Variants in MYO5C observed in about 807,000 individuals in gnomAD.
MYO5C encodes the protein unconventional myosin-Vc.
A neutral mutation model predicts 235.7 loss-of-function variants in MYO5C; 194 were observed. The observed-to-expected ratio is 0.82, with a 90% CI of 0.73 to 0.93. MYO5C has a LOEUF of 0.93. MYO5C is among the 40% of genes least tolerant of loss of function. The pLI is 0.00. For missense variants in MYO5C, 2,038 were observed against 2,127.2 expected, an observed-to-expected ratio of 0.96 and a Z score of 0.82; for synonymous variants, 707 against 754.8, an observed-to-expected ratio of 0.94 and a Z score of 1.04.
chr15:52,231,139 T>C (rs2035943856), intron 24 of MYO5C, among the ~76,000 whole-genome samples: 1 of 152,116 alleles, frequency 6.6e-6, no homozygotes, highest in Non-Finnish European at 1.5e-5. Flanking sequence ...AGAAGTCTTA[T>C]GTAAAAAGAA....
chr15:52,269,884 TTA>T, intron 7 of MYO5C, 24 bp from the exon 8 acceptor site: 1 of 1,523,104 alleles, frequency 6.6e-7, no homozygotes, highest in Admixed American at 1.7e-5. Context: ...GTAAGATTTG[TTA>T]TGTCTGTAAC....
chr15:52,195,255 T>C (rs898068141), intron 40 of MYO5C, 122 bp downstream of exon 40: 3 of 637,946 alleles, frequency 4.7e-6, no homozygotes, highest in Admixed American at 3.6e-5. Context: ...GCTGGGTGCC[T>C]TTCATTTGTA....
intron 13 of MYO5C, 63 bp from the exon 14 acceptor site, chr15:52,248,846 G>T: frequency 9.2e-7 from 1 of 1,089,230 alleles, no homozygotes; most frequent in Non-Finnish European, 1.4e-6. Flanking sequence ...CTAAGCACAA[G>T]TTTCATCTCT....
chr15:52,218,588 T>C lies in MYO5C; in HGVS notation c.3885A>G (p.Gln1295=). The C allele has an allele frequency of 6.2e-7, 1 of 1,614,234 alleles. No homozygotes were observed. The highest frequency in any genetic ancestry group is 8.5e-7 in the Non-Finnish European group (1 of 1,180,032). Residue 1295 remains glutamine, a synonymous_variant, in exon 32 of 41, where the codon CAA becomes CAG. Coordinates refer to ENST00000261839, the MANE Select transcript of MYO5C (RefSeq NM_018728.4). ...MQEASDHLKK[Q]FETESEVKCN... is the part of the protein sequence containing the mutation. ...ACTTGACTTCACTTTCAGTTTCAAA[T>C]TGTTTCTTCAAGTGGTCACTGGCCT...
intron 30 of MYO5C, 106 bp downstream of exon 30, chr15:52,221,056 C>G: frequency 1.2e-6 from 1 of 816,570 alleles, no homozygotes; most frequent in East Asian, 2.6e-5. Context: ...GCCCAGCCCC[C>G]TAGAGAACCA....
chr15:52,246,865 G>A lies in MYO5C; in HGVS notation c.1979+52C>T, dbSNP rs2036359053. 3.4e-6 allele frequency: 5 copies of A among 1,460,134 alleles called. No homozygotes were observed. In the Admixed American group the frequency reaches 7.5e-5, roughly 22 times the overall value. 90.4% of individuals were successfully genotyped at this position (1,460,134 alleles called of 1,614,324 possible). On this transcript the variant is annotated intron_variant, in intron 16 of 40. Transcript: ENST00000261839. ...TTGGAAGCAAATTCTCCAACTTTAT[G>A]GCAGAAACTGCCTTCCCACGTCTTC...
At chr15:52,231,422 G>A (rs753954321) in intron 24 of MYO5C, among the ~76,000 whole-genome samples, 2 of 152,158 alleles carry the variant, frequency 1.3e-5, no homozygotes, top group Non-Finnish European at 2.9e-5. Flanking sequence ...CAAGACCCCT[G>A]CTTGAAATGA....
At chr15:52,294,692 A>ATT (rs5812592) in intron 1 of MYO5C, among the ~76,000 whole-genome samples, 205 of 150,148 alleles carry the variant, frequency 1.4e-3, no homozygotes, top group African/African-American at 2.7e-3. Context: ...ATTCAAATGG[A>ATT]TTTTTTTTTT....
Position 52,295,749 on chromosome 15 carries a change from G to A in MYO5C, c.-113C>T, listed in dbSNP as rs144542581. ...AGACCGCCGCGGAAATCACCGCCGG[G>A]CCATCTTGCCCAAAGTTTTCCAACG... is the stretch of plus-strand genomic sequence containing the variant. On this transcript the variant is annotated 5_prime_UTR_variant, in exon 1 of 41. Transcript: ENST00000261839. The A allele has an allele frequency of 1.8e-4, 130 of 704,946 alleles. 1 individual carries two copies. Among genetic ancestry groups the A allele is most frequent in the Admixed American group, 1.3e-3 (29 of 23,088 alleles). The allele number at this position is 704,946 out of a possible 1,614,324, so 43.7% of individuals were successfully genotyped here.
intron 32 of MYO5C, among the ~76,000 whole-genome samples, chr15:52,216,570 T>A (rs984708595): frequency 2.0e-5 from 3 of 152,134 alleles, no homozygotes; most frequent in Admixed American, 6.5e-5. Context: ...TTGAATTTCT[T>A]TGATAAATAG....
Position 52,229,279 on chromosome 15 carries a change from C to T in MYO5C, c.3061G>A (p.Asp1021Asn), listed in dbSNP as rs1328892065. The change falls in exon 25 of 41, where the codon GAC (aspartate) becomes AAC (asparagine). Residue 1021 changes from aspartate (D) to asparagine (N), a missense_variant. By Grantham distance (23) the Asp-to-Asn change is conservative (BLOSUM62 1). Transcript: ENST00000261839. ...AAAGACTGAATCTGCTTCTCATAGTCTTGTGTTTTCAGTTCAAAACTTTTT... is the reference window on the plus strand; with the variant it reads ...AAAGACTGAATCTGCTTCTCATAGTTTTGTGTTTTCAGTTCAAAACTTTTT... ...LEKSFELKTQ[D>N]YEKQIQSLKE... 4 of 1,614,106 alleles carry T rather than the reference C, an allele frequency of 2.5e-6. No individual in the cohort carries two copies. The highest frequency in any genetic ancestry group is 3.4e-6 in the Non-Finnish European group (4 of 1,180,018).
At chr15:52,259,059 G>A (rs1002045907) in intron 10 of MYO5C, among the ~76,000 whole-genome samples, 9 of 152,236 alleles carry the variant, frequency 5.9e-5, no homozygotes, top group African/African-American at 1.9e-4. Flanking sequence ...GGCAGGAGCC[G>A]TACATCTATG....
intron 13 of MYO5C, among the ~76,000 whole-genome samples, chr15:52,249,026 C>T (rs1006006592): frequency 3.3e-5 from 5 of 152,230 alleles, no homozygotes; most frequent in Non-Finnish European, 5.9e-5. Flanking sequence ...CACCTGTTGG[C>T]TCCCTCTGGC....
rs545880139 is a variant in MYO5C, at chr15:52,239,716, G to C, written c.2703+17C>G. On this transcript the variant is annotated intron_variant, in intron 21 of 40. Transcript: ENST00000261839. ...GTAAGAAAAAGTAAATGTAAAAGAT[G>C]CACTATGAGCACCTACCTGATCTTC... The C allele has an allele frequency of 6.3e-5, 99 of 1,574,014 alleles. No individual in the cohort carries two copies. The East Asian group carries it at 2.1e-3, about 33-fold the overall frequency.
In MYO5C at chr15:52,232,656, A is replaced by T; in HGVS notation, c.2992T>A (p.Phe998Ile). 6.2e-7 allele frequency: 1 copy of T among 1,613,880 alleles called. No individual in the cohort carries two copies. Among genetic ancestry groups the T allele is most frequent in the East Asian group, 2.2e-5 (1 of 44,842 alleles). Reference sequence around the variant, plus strand: ...CGTTCTTCCTTTTGTACATCATCAAAGAGCTGCTTGGTGAGGTTGTCCATT... The same window carrying T: ...CGTTCTTCCTTTTGTACATCATCAATGAGCTGCTTGGTGAGGTTGTCCATT... ...EKMDNLTKQLFDDVQKEERQR... is the reference protein window; with the variant it reads ...EKMDNLTKQLIDDVQKEERQR... The change falls in exon 24 of 41, where the codon TTT becomes ATT. Residue 998 changes from phenylalanine to isoleucine, a missense_variant. Physicochemically the swap from Phe to Ile is conservative, Grantham distance 21. Coordinates refer to ENST00000261839, the MANE Select transcript of MYO5C (RefSeq NM_018728.4).
rs758643445 is a variant in MYO5C at position 52,248,649 on chromosome 15, G to A, written c.1746+51C>T. On this transcript the variant is annotated intron_variant, in intron 14 of 40. Coordinates refer to ENST00000261839, the MANE Select transcript of MYO5C (RefSeq NM_018728.4). ...CTTACTCTTTCCTTATATACATCTA[G>A]ATCCATGTCAATTATATAATAACTT... 4 of 1,240,400 alleles carry A rather than the reference G, an allele frequency of 3.2e-6. No individual in the cohort carries two copies. The South Asian group carries it at 3.6e-5, about 11-fold the overall frequency. 76.8% of individuals were successfully genotyped at this position (1,240,400 alleles called of 1,614,324 possible).
intron 14 of MYO5C, 118 bp downstream of exon 14, chr15:52,248,582 G>A: frequency 1.4e-6 from 1 of 701,784 alleles, no homozygotes; most frequent in Middle Eastern, 2.4e-4. Context: ...ACTGTCCAGA[G>A]AGTTCACACA....
intron 5 of MYO5C, 126 bp downstream of exon 5, chr15:52,275,436 G>T: frequency 8.3e-7 from 1 of 1,202,412 alleles, no homozygotes; most frequent in Non-Finnish European, 1.2e-6. Context: ...GGCTTCCCGG[G>T]TCTTTCCTGC....
intron 4 of MYO5C, chr15:52,277,695 G>A (rs910439047): frequency 1.1e-5 from 4 of 379,984 alleles, no homozygotes; most frequent in Admixed American, 9.8e-5. Flanking sequence ...GGAAGACAGA[G>A]GTGAGAACTG....
Sources: allele counts gnomAD v4.1 joint callset (sites outside exome capture counted in the v4.1 genomes callset), GRCh38; gene constraint gnomAD v4.1.1; transcripts MANE v1.5; gene names NCBI Gene and HGNC (gene_info 2026-07-23, HGNC 2026-07-21).